SLC38A4: variants seen among roughly 807,000 people sequenced by gnomAD.
The protein encoded by SLC38A4 is sodium-coupled neutral amino acid transporter 4.
SLC38A4 carries 20 observed loss-of-function variants against 63.1 expected under a neutral mutation model. That is an observed-to-expected ratio of 0.32 (90% CI 0.22 to 0.46). The LOEUF (loss-of-function observed/expected upper bound fraction) is 0.46, where lower values mean the gene tolerates loss of function less well. Among genes scored for constraint, SLC38A4 ranks in the 20% least tolerant of loss-of-function variants. The probability of loss-of-function intolerance (pLI) is 1.00; values close to 1 mark genes in which losing one functional copy is unlikely to be tolerated. For synonymous variants in SLC38A4, 230 were observed against 225.5 expected (o/e 1.02, Z -0.18); for missense variants, 526 against 663.6 (o/e 0.79, Z 2.28).
intron 4 of SLC38A4, among the ~76,000 whole-genome samples, 170 bp from the exon 5 acceptor site, chr12:46,788,201 C>T (rs980990030): frequency 2.6e-5 from 4 of 152,112 alleles, no homozygotes; most frequent in South Asian, 2.1e-4. Context: ...TAATTTTCAA[C>T]GGAATGCAGT....
At chr12:46,797,620 T>A (rs147706148) in intron 2 of SLC38A4, among the ~76,000 whole-genome samples, 1 of 152,278 alleles carries the variant, frequency 6.6e-6, no homozygotes, top group East Asian at 1.9e-4. Flanking sequence ...ATTATAAATG[T>A]CATCTTATAT....
intron 1 of SLC38A4, among the ~76,000 whole-genome samples, chr12:46,809,713 A>G (rs137909475): frequency 0.013 from 1,929 of 152,184 alleles, 25 homozygotes; most frequent in East Asian, 0.063. Flanking sequence ...GGAAAAATAA[A>G]TTCAGAATAG....
At chr12:46,811,795 C>T (rs1939344170) in intron 1 of SLC38A4, among the ~76,000 whole-genome samples, 1 of 151,676 alleles carries the variant, frequency 6.6e-6, no homozygotes. Context: ...GTGTTTGGAC[C>T]ATCAGGATTA....
chr12:46,802,078 A>C (rs919267923), intron 2 of SLC38A4, among the ~76,000 whole-genome samples: 1 of 152,112 alleles, frequency 6.6e-6, no homozygotes, highest in Admixed American at 6.6e-5. Flanking sequence ...TTGCTAATAT[A>C]AGAATTAAAG....
Position 46,792,938 on chromosome 12 carries a change from T to A in SLC38A4, c.119+15A>T. The A allele has an allele frequency of 6.3e-7, 1 of 1,589,398 alleles. No individual in the cohort carries two copies. The highest frequency in any genetic ancestry group is 8.6e-7 in the Non-Finnish European group (1 of 1,158,014). On this transcript the variant is annotated intron_variant, in intron 3 of 16. Transcript: ENST00000266579. The stretch of plus-strand genomic sequence containing the variant: ...CTTATTTTTCCATGGAACATAGTAA[T>A]TTTTAACCCCATACCTGCTCATTGC...
chr12:46,792,501 G>T (rs184117168), intron 3 of SLC38A4, among the ~76,000 whole-genome samples: 198 of 152,176 alleles, frequency 1.3e-3, no homozygotes, highest in African/African-American at 4.6e-3. Flanking sequence ...ACGTGCAGTA[G>T]ACATTCAGAT....
In SLC38A4 at chr12:46,779,770, A is replaced by G. The variant is rs1417048927; in HGVS notation, c.658+10T>C. 2 of 1,599,876 alleles carry G rather than the reference A, an allele frequency of 1.3e-6. No individual in the cohort carries two copies. Among genetic ancestry groups the G allele is most frequent in the Non-Finnish European group, 1.7e-6 (2 of 1,173,684 alleles). On this transcript the variant is annotated intron_variant, in intron 9 of 16. Coordinates refer to ENST00000266579, the MANE Select transcript of SLC38A4 (RefSeq NM_018018.5). ...AAATAAAAATATTTCCAGTTAGAAA[A>G]TATCTTTACCTAAATTTTTAAGGAG...
At chr12:46,770,756 T>C (rs1362374406) in intron 14 of SLC38A4, among the ~76,000 whole-genome samples, 3 of 152,152 alleles carry the variant, frequency 2.0e-5, no homozygotes, top group Non-Finnish European at 4.4e-5. Flanking sequence ...GGAATTACTC[T>C]ATCAGCTTTC....
chr12:46,784,782 A>G, intron 6 of SLC38A4, 148 bp from the exon 7 acceptor site: 1 of 624,812 alleles, frequency 1.6e-6, no homozygotes, highest in Non-Finnish European at 2.7e-6. Context: ...TCAAAAACCA[A>G]TAAGCAATAT....
intron 1 of SLC38A4, among the ~76,000 whole-genome samples, chr12:46,819,507 A>G (rs1246302691): frequency 6.6e-6 from 1 of 151,958 alleles, no homozygotes; most frequent in Non-Finnish European, 1.5e-5. Flanking sequence ...GGTTATATTT[A>G]AGATGTGATG....
At chr12:46,776,061 C>T (rs1938518723) in intron 13 of SLC38A4, among the ~76,000 whole-genome samples, 1 of 151,960 alleles carries the variant, frequency 6.6e-6, no homozygotes, top group Admixed American at 6.6e-5. Flanking sequence ...ACTCCTGAAT[C>T]TTTTCCTCCA....
upstream of SLC38A4, among the ~76,000 whole-genome samples, chr12:46,826,553 A>C (rs1939659032): frequency 1.3e-5 from 2 of 152,226 alleles, no homozygotes; most frequent in South Asian, 2.1e-4. Context: ...ATATTCACTA[A>C]TTTGATCCTC....
At chr12:46,772,179 C>T (rs1158914060) in intron 14 of SLC38A4, among the ~76,000 whole-genome samples, 2 of 151,060 alleles carry the variant, frequency 1.3e-5, no homozygotes, top group Non-Finnish European at 2.9e-5. Flanking sequence ...GTAGCTCACA[C>T]TTTGATTTTG....
chr12:46,802,561 C>T (rs531079257), intron 2 of SLC38A4, among the ~76,000 whole-genome samples: 126 of 152,072 alleles, frequency 8.3e-4, no homozygotes, highest in Middle Eastern at 3.4e-3. Context: ...TGCTTATATA[C>T]TTCTTAGGAG....
chr12:46,766,780 C>T lies in SLC38A4; in HGVS notation c.1565G>A (p.Gly522Glu). The change falls in exon 17 of 17, where the codon GGA (glycine) becomes GAA (glutamate). Residue 522 changes from glycine (G) to glutamate (E), a missense_variant. Transcript: ENST00000266579. ...CATGCTTCCAATCATGAAGAATATT[C>T]CAACCACAAGGAAAATTAAAGCCTG... ...KVGALIFLVV[G>E]IFFMIGSMAL... 1 of 1,610,840 alleles carries T rather than the reference C, an allele frequency of 6.2e-7. No individual in the cohort carries two copies. The highest frequency in any genetic ancestry group is 8.5e-7 in the Non-Finnish European group (1 of 1,178,130).
At chr12:46,815,117 T>G (rs1939412029) in intron 1 of SLC38A4, among the ~76,000 whole-genome samples, 2 of 151,736 alleles carry the variant, frequency 1.3e-5, no homozygotes, top group Non-Finnish European at 2.9e-5. Context: ...ATCACAGTTA[T>G]TCTATGTTAT....
chr12:46,809,303 G>A (rs559801756), intron 1 of SLC38A4, among the ~76,000 whole-genome samples: 21 of 152,186 alleles, frequency 1.4e-4, no homozygotes, highest in Middle Eastern at 3.4e-3. Flanking sequence ...CAGAATGTTA[G>A]AAATAAGAAA....
chr12:46,830,982 A>C (rs1335677148), upstream of SLC38A4, among the ~76,000 whole-genome samples: 1 of 152,188 alleles, frequency 6.6e-6, no homozygotes, highest in Admixed American at 6.5e-5. Context: ...CACACCCGCG[A>C]CCACGTATCC....
intron 1 of SLC38A4, among the ~76,000 whole-genome samples, chr12:46,819,633 T>TG (rs1939503155): frequency 6.6e-6 from 1 of 151,872 alleles, no homozygotes; most frequent in African/African-American, 2.4e-5. Flanking sequence ...ATGATTGTGG[T>TG]GGGGTAGCAG....
Sources: gnomAD v4.1 joint callset for allele counts (sites outside exome capture counted in the v4.1 genomes callset) on GRCh38, gnomAD v4.1.1 for gene constraint, MANE v1.5 for transcripts, NCBI Gene and HGNC (gene_info 2026-07-23, HGNC 2026-07-21) for gene names.